Variants in RNGTT observed in about 807,000 individuals in gnomAD.
RNGTT encodes mRNA-capping enzyme.
RNGTT carries 33 observed loss-of-function variants against 79.3 expected under a neutral mutation model. That is an observed-to-expected ratio of 0.42 (90% CI 0.32 to 0.56). RNGTT has a LOEUF of 0.56. Among genes scored for constraint, RNGTT ranks in the 20% least tolerant of loss-of-function variants. RNGTT has a pLI of 0.17. For missense variants in RNGTT, 497 were observed against 739.1 expected (o/e 0.67, Z 3.80); for synonymous variants, 222 against 235.9 (o/e 0.94, Z 0.54).
intron 1 of RNGTT, among the ~76,000 whole-genome samples, chr6:88,958,815 A>G (rs990152026): frequency 2.6e-5 from 4 of 152,226 alleles, no homozygotes; most frequent in African/African-American, 9.6e-5. Context: ...TCCTTGAAGA[A>G]CTAGAAGAAC....
rs1398537544 is a variant in RNGTT, at chr6:88,963,397, T to C, written c.13A>G (p.Lys5Glu). 1 of 1,607,714 alleles carries C rather than the reference T, an allele frequency of 6.2e-7. No homozygotes were observed. ...CAGTTCAGCCACCGCGGCGGGATCT[T>C]GTTGTGAGCCATGTCTTGGGGCTGC... Reference protein sequence around the residue: MAHNKIPPRWLNCPR... With the variant: MAHNEIPPRWLNCPR... The change falls in exon 1 of 16, where the codon AAG (lysine) becomes GAG (glutamate). Residue 5 changes from lysine (K) to glutamate (E), a missense_variant. Transcript: ENST00000369485.
Position 88,946,618 on chromosome 6 carries a change from G to A in RNGTT, c.65-5438C>T, listed in dbSNP as rs566052932. Among the ~76,000 whole-genome samples, 9 of 149,200 alleles carry A rather than the reference G, an allele frequency of 6.0e-5. No homozygotes were observed. The East Asian group carries it at 1.0e-3, about 17-fold the overall frequency. On this transcript the variant is annotated intron_variant, in intron 1 of 15. Coordinates refer to ENST00000369485, the MANE Select transcript of RNGTT (RefSeq NM_003800.5). The stretch of plus-strand genomic sequence containing the variant: ...AGTTGTGAATGAAAATGAAAAGCTC[G>A]ACAGCAGCTCTCCCTCTCCCTCTCC...
chr6:88,750,243 T>G (rs1463388265), intron 13 of RNGTT, among the ~76,000 whole-genome samples: 6 of 151,504 alleles, frequency 4.0e-5, no homozygotes, highest in African/African-American at 1.5e-4. Flanking sequence ...AAGAAGGGGG[T>G]TGGGGTGGGA....
intron 12 of RNGTT, among the ~76,000 whole-genome samples, chr6:88,795,270 A>ACCTCT (rs753552426): frequency 2.0e-5 from 3 of 152,196 alleles, no homozygotes; most frequent in Non-Finnish European, 4.4e-5. Context: ...GCTTAAAAAC[A>ACCTCT]CCTCTCTTCA....
intron 13 of RNGTT, among the ~76,000 whole-genome samples, chr6:88,742,528 C>A (rs1410606947): frequency 1.3e-5 from 2 of 152,094 alleles, no homozygotes; most frequent in Non-Finnish European, 2.9e-5. Context: ...CTTTTGTAAT[C>A]TCAAAGGAAA....
At chr6:88,761,290 G>C (rs149389574) in intron 13 of RNGTT, among the ~76,000 whole-genome samples, 5 of 151,884 alleles carry the variant, frequency 3.3e-5, no homozygotes, top group Non-Finnish European at 7.4e-5. Flanking sequence ...AGGAGTTTGC[G>C]ACCAGCCTGG....
At chr6:88,891,310 C>A (rs1783040825) in intron 7 of RNGTT, among the ~76,000 whole-genome samples, 1 of 152,054 alleles carries the variant, frequency 6.6e-6, no homozygotes, top group South Asian at 2.1e-4. Flanking sequence ...TACCAATGAT[C>A]AGCAGAAATG....
At chr6:88,833,542 A>T (rs184431511) in intron 11 of RNGTT, among the ~76,000 whole-genome samples, 1 of 152,294 alleles carries the variant, frequency 6.6e-6, no homozygotes, top group East Asian at 1.9e-4. Context: ...ACAAACCTAC[A>T]TGTTCTGCAC....
chr6:88,634,430 T>C (rs1773017735), intron 14 of RNGTT, among the ~76,000 whole-genome samples: 1 of 152,094 alleles, frequency 6.6e-6, no homozygotes, highest in African/African-American at 2.4e-5. Context: ...AAGAGAAGGA[T>C]CAGCAAATTG....
intron 12 of RNGTT, among the ~76,000 whole-genome samples, chr6:88,771,133 T>C (rs1008278019): frequency 7.9e-5 from 12 of 151,552 alleles, no homozygotes; most frequent in African/African-American, 2.7e-4. Context: ...TTAAAAATTA[T>C]ATAATTTGTG....
At chr6:88,790,016 C>G (rs1032393355) in intron 12 of RNGTT, among the ~76,000 whole-genome samples, 1 of 152,064 alleles carries the variant, frequency 6.6e-6, no homozygotes, top group Non-Finnish European at 1.5e-5. Context: ...TATAAAACCT[C>G]ACTAAAGGTG....
In RNGTT at chr6:88,819,730, C is replaced by A. The variant is rs181383693; in HGVS notation, c.1270-18098G>T. Among the ~76,000 whole-genome samples the A allele has an allele frequency of 3.5e-4, 54 of 152,164 alleles. No individual in the cohort carries two copies. The East Asian group carries it at 9.3e-3, about 26-fold the overall frequency. ...AAATATTTTCAACTCTACTGACATT[C>A]TCTTCCACTCTACCTCATTAATCTC... On this transcript the variant is annotated intron_variant, in intron 11 of 15. Transcript: ENST00000369485.
At chr6:88,801,477 CATGTGT>C (rs1312843917) in intron 12 of RNGTT, 81 bp downstream of exon 12, 6 of 985,376 alleles carry the variant, frequency 6.1e-6, no homozygotes, top group South Asian at 1.7e-5. Flanking sequence ...TTGAGGCATA[CATGTGT>C]ATGTGTATGT....
chr6:88,729,388 GAA>G (rs59571346), intron 13 of RNGTT, among the ~76,000 whole-genome samples: 5 of 79,716 alleles, frequency 6.3e-5, no homozygotes, highest in Admixed American at 1.4e-4. Flanking sequence ...ACCAGAAAAA[GAA>G]AAAAAAAAAA....
At chr6:88,840,362 G>A (rs1030609032) in intron 11 of RNGTT, among the ~76,000 whole-genome samples, 2 of 152,066 alleles carry the variant, frequency 1.3e-5, no homozygotes, top group Non-Finnish European at 2.9e-5. Context: ...GTGAGGAGAG[G>A]AGACTATTCA....
chr6:88,850,966 T>C (rs1240787100), intron 9 of RNGTT, among the ~76,000 whole-genome samples: 5 of 152,044 alleles, frequency 3.3e-5, no homozygotes, highest in African/African-American at 9.7e-5. Flanking sequence ...TCAAAACCTG[T>C]GGGCCTTCAA....
rs565613015 is a variant in RNGTT, at chr6:88,719,668, T to G, written c.1440-41249A>C. Among the ~76,000 whole-genome samples the G allele has an allele frequency of 2.0e-5, 3 of 152,336 alleles. No individual in the cohort carries two copies. The South Asian group carries it at 6.2e-4, about 32-fold the overall frequency. On this transcript the variant is annotated intron_variant, in intron 13 of 15. Transcript: ENST00000369485. ...TTGGCTAAAGAACTCAATTTAAATTTTATCTATATTAAAAAGCCTCTGAAA... is the reference window on the plus strand; with the variant it reads ...TTGGCTAAAGAACTCAATTTAAATTGTATCTATATTAAAAAGCCTCTGAAA...
chr6:88,954,419 C>T (rs952404626), intron 1 of RNGTT, among the ~76,000 whole-genome samples: 3 of 152,072 alleles, frequency 2.0e-5, no homozygotes, highest in South Asian at 4.1e-4. Context: ...AAAAAGGATT[C>T]GTCCAACAGG....
chr6:88,948,586 C>T (rs9451110), intron 1 of RNGTT, among the ~76,000 whole-genome samples: 37,973 of 142,658 alleles, frequency 0.27, 5,540 homozygotes, highest in Non-Finnish European at 0.37. Flanking sequence ...CCCCTCTGCC[C>T]GGCCACCACC....
Sources: gnomAD v4.1 joint callset for allele counts (sites outside exome capture counted in the v4.1 genomes callset) on GRCh38, gnomAD v4.1.1 for gene constraint, MANE v1.5 for transcripts, NCBI Gene and HGNC (gene_info 2026-07-23, HGNC 2026-07-21) for gene names.